CALN1: variants seen among roughly 807,000 people sequenced by gnomAD.
CALN1 encodes the protein calneuron 1.
CALN1 carries 17 observed loss-of-function variants against 30.6 expected under a neutral mutation model. The observed-to-expected ratio is 0.56, with a 90% CI of 0.38 to 0.83. The LOEUF is 0.83. Ranked by LOEUF, CALN1 falls within the 40% of genes least tolerant of loss-of-function variation. The pLI is 0.00. For missense variants in CALN1, 291 were observed against 354.9 expected (o/e 0.82, Z 1.45); for synonymous variants, 156 against 131.4 (o/e 1.19, Z -1.28).
chr7:72,377,831 C>T (rs955819917), intron 2 of CALN1, among the ~76,000 whole-genome samples: 2 of 152,108 alleles, frequency 1.3e-5, no homozygotes, highest in African/African-American at 2.4e-5. Flanking sequence ...TTTCTACCTG[C>T]GTAGAAGCTG....
chr7:71,839,057 A>G (rs1419715670), intron 5 of CALN1, among the ~76,000 whole-genome samples: 5 of 151,734 alleles, frequency 3.3e-5, no homozygotes, highest in African/African-American at 7.3e-5. Context: ...CAATCTTCCC[A>G]CCTTGACCTT....
At chr7:71,947,565 T>C (rs1344480676) in intron 5 of CALN1, among the ~76,000 whole-genome samples, 2 of 152,222 alleles carry the variant, frequency 1.3e-5, no homozygotes, top group Admixed American at 6.5e-5. Flanking sequence ...AAGAAAATTA[T>C]ACTGGAGGTT....
At chr7:72,455,368 T>C in the CALN1 span, among the ~76,000 whole-genome samples, 3 of 149,718 alleles carry the variant, frequency 2.0e-5, no homozygotes, top group Admixed American at 6.7e-5. Context: ...TGTGTGTACA[T>C]AGGTGTGTAT....
chr7:72,072,798 A>G (rs1804489951), intron 4 of CALN1, among the ~76,000 whole-genome samples: 1 of 152,240 alleles, frequency 6.6e-6, no homozygotes, highest in African/African-American at 2.4e-5. Flanking sequence ...AGCATTTTTT[A>G]TATGCTATTG....
chr7:72,240,851 T>A (rs767654880), intron 3 of CALN1, among the ~76,000 whole-genome samples: 1 of 152,212 alleles, frequency 6.6e-6, no homozygotes, highest in African/African-American at 2.4e-5. Context: ...GAGTGTATCA[T>A]GCTTTTCTGC....
chr7:71,819,638 A>G (rs953535784), intron 5 of CALN1, among the ~76,000 whole-genome samples: 6 of 152,160 alleles, frequency 3.9e-5, no homozygotes, highest in African/African-American at 1.4e-4. Context: ...TTATCATTAA[A>G]CACTATCTCC....
intron 6 of CALN1, among the ~76,000 whole-genome samples, chr7:71,801,764 G>C (rs1787328374): frequency 6.6e-6 from 1 of 151,930 alleles, no homozygotes; most frequent in African/African-American, 2.4e-5. Context: ...ATCACCTGAG[G>C]TCAGGAGTTC....
intron 5 of CALN1, among the ~76,000 whole-genome samples, chr7:71,950,009 G>A (rs1240381173): frequency 6.6e-6 from 1 of 152,090 alleles, no homozygotes; most frequent in Non-Finnish European, 1.5e-5. Context: ...TGATCTGCCT[G>A]CCTCAGCCTC....
chr7:72,147,719 C>G (rs1371634192), intron 3 of CALN1, among the ~76,000 whole-genome samples: 2 of 151,892 alleles, frequency 1.3e-5, no homozygotes, highest in African/African-American at 4.8e-5. Context: ...CAATGATAGA[C>G]TGGATTAAGA....
chr7:71,990,249 A>G (rs927842892), intron 5 of CALN1, among the ~76,000 whole-genome samples: 48 of 152,282 alleles, frequency 3.2e-4, no homozygotes, highest in Non-Finnish European at 5.3e-4. Flanking sequence ...CGACACTCCC[A>G]CCAGCACCAT....
intron 3 of CALN1, among the ~76,000 whole-genome samples, chr7:72,122,160 G>A (rs940258139): frequency 6.6e-6 from 1 of 152,086 alleles, no homozygotes; most frequent in Admixed American, 6.6e-5. Flanking sequence ...GTGGCAAACT[G>A]AGTGGAATGT....
At chr7:72,150,374 C>T (rs1229737942) in intron 3 of CALN1, among the ~76,000 whole-genome samples, 1 of 152,174 alleles carries the variant, frequency 6.6e-6, no homozygotes, top group Non-Finnish European at 1.5e-5. Flanking sequence ...GGTCCCTGTT[C>T]TCCCAAAACT....
intron 2 of CALN1, among the ~76,000 whole-genome samples, chr7:72,366,056 C>T (rs1273002379): frequency 6.6e-6 from 1 of 152,024 alleles, no homozygotes; most frequent in Non-Finnish European, 1.5e-5. Context: ...TAAAGCATTG[C>T]TCATATTATG....
At chr7:72,473,016 A>G in the CALN1 span, among the ~76,000 whole-genome samples, 1 of 152,068 alleles carries the variant, frequency 6.6e-6, no homozygotes, top group Non-Finnish European at 1.5e-5. Flanking sequence ...TTCCTGTACC[A>G]TCTCCTGGGC....
intron 3 of CALN1, among the ~76,000 whole-genome samples, chr7:72,114,971 G>A (rs1385180693): frequency 2.6e-5 from 4 of 151,412 alleles, no homozygotes; most frequent in African/African-American, 4.9e-5. Flanking sequence ...TCCAGCCTGG[G>A]CAACAAGAGA....
chr7:71,792,917 T>A (rs1340438484), intron 6 of CALN1, among the ~76,000 whole-genome samples: 1 of 151,854 alleles, frequency 6.6e-6, no homozygotes, highest in Non-Finnish European at 1.5e-5. Flanking sequence ...AGAGCGGGGC[T>A]GCAAGTTTGA....
intron 5 of CALN1, among the ~76,000 whole-genome samples, chr7:71,881,107 G>A (rs1045510584): frequency 1.3e-5 from 2 of 152,152 alleles, no homozygotes; most frequent in Non-Finnish European, 2.9e-5. Flanking sequence ...CTCCCGTGCT[G>A]GATGCTTCCT....
intron 5 of CALN1, among the ~76,000 whole-genome samples, chr7:71,927,559 T>C (rs370846511): frequency 6.6e-6 from 1 of 152,196 alleles, no homozygotes; most frequent in South Asian, 2.1e-4. Flanking sequence ...ATGTGTTGCA[T>C]GTAAGCTGTT....
intron 5 of CALN1, among the ~76,000 whole-genome samples, chr7:71,882,508 C>T (rs146720628): frequency 1.3e-5 from 2 of 152,296 alleles, no homozygotes; most frequent in Non-Finnish European, 1.5e-5. Flanking sequence ...TAGCTCTAAC[C>T]TTGTCTCTGA....
Sources: allele counts gnomAD v4.1 joint callset (sites outside exome capture counted in the v4.1 genomes callset), GRCh38; gene constraint gnomAD v4.1.1; transcripts MANE v1.5; gene names NCBI Gene and HGNC (gene_info 2026-07-23, HGNC 2026-07-21).